Variants in LINGO2 observed in about 807,000 individuals in gnomAD.
The protein encoded by LINGO2 is leucine rich repeat and Ig domain containing 2, also known as leucine-rich repeat and immunoglobulin-like domain-containing nogo receptor-interacting protein 2.
LINGO2 carries 14 observed loss-of-function variants against 30.6 expected under a neutral mutation model. The observed-to-expected ratio is 0.46, with a 90% CI of 0.30 to 0.72. LINGO2 has a LOEUF of 0.72. Ranked by LOEUF, LINGO2 falls within the 30% of genes least tolerant of loss-of-function variation. LINGO2 has a pLI of 0.07. For missense variants in LINGO2, 729 were observed against 751.7 expected (o/e 0.97, Z 0.35); for synonymous variants, 317 against 288.5 (o/e 1.10, Z -1.00).
the LINGO2 span, among the ~76,000 whole-genome samples, chr9:29,071,169 G>GTATTGTATT: frequency 8.7e-6 from 1 of 114,888 alleles, no homozygotes; most frequent in Non-Finnish European, 1.8e-5. Flanking sequence ...GTATTGTATT[G>GTATTGTATT]TATTGTATTG....
At chr9:28,366,111 C>A (rs541724784) in intron 3 of LINGO2, among the ~76,000 whole-genome samples, 1 of 152,126 alleles carries the variant, frequency 6.6e-6, no homozygotes, top group South Asian at 2.1e-4. Flanking sequence ...CGGAAACAGT[C>A]GGAGCCTGTT....
At chr9:28,732,119 A>G in the LINGO2 span, among the ~76,000 whole-genome samples, 45 of 152,152 alleles carry the variant, frequency 3.0e-4, no homozygotes, top group Non-Finnish European at 5.7e-4. Context: ...CAGGGAGCCA[A>G]GGAAGTAGCC....
At chr9:29,195,364 G>C in the LINGO2 span, among the ~76,000 whole-genome samples, 5 of 148,588 alleles carry the variant, frequency 3.4e-5, no homozygotes, top group Admixed American at 6.8e-5. Context: ...TGTGTGTGTG[G>C]GTGTGTGTGT....
intron 5 of LINGO2, among the ~76,000 whole-genome samples, chr9:27,987,407 T>G (rs1821176117): frequency 6.6e-6 from 1 of 151,738 alleles, no homozygotes; most frequent in Non-Finnish European, 1.5e-5. Context: ...TTTGAGTAGC[T>G]GAGAATATAG....
At chr9:28,552,029 A>T (rs1822312881) in intron 1 of LINGO2, among the ~76,000 whole-genome samples, 1 of 151,740 alleles carries the variant, frequency 6.6e-6, no homozygotes, top group Non-Finnish European at 1.5e-5. Flanking sequence ...TTTTGTTGCC[A>T]TTGCTTTCTG....
chr9:28,938,162 C>G, the LINGO2 span, among the ~76,000 whole-genome samples: 1 of 152,168 alleles, frequency 6.6e-6, no homozygotes, highest in Non-Finnish European at 1.5e-5. Flanking sequence ...TTTGTCCCAT[C>G]TTTGTTCCTT....
chr9:28,552,292 C>T (rs1822329776), intron 1 of LINGO2, among the ~76,000 whole-genome samples: 1 of 151,912 alleles, frequency 6.6e-6, no homozygotes, highest in South Asian at 2.1e-4. Context: ...ATTTCTTGTC[C>T]TCTTTCTTGG....
chr9:28,132,677 T>C (rs1432289118), intron 4 of LINGO2, among the ~76,000 whole-genome samples: 2 of 152,240 alleles, frequency 1.3e-5, no homozygotes, highest in Non-Finnish European at 2.9e-5. Context: ...CAGGTTCAAA[T>C]GTAATAAAAC....
chr9:29,188,369 A>C, the LINGO2 span, among the ~76,000 whole-genome samples: 2 of 152,068 alleles, frequency 1.3e-5, no homozygotes, highest in Non-Finnish European at 2.9e-5. Flanking sequence ...CCAAGGCAGA[A>C]GAATTTTTCT....
At chr9:28,299,592 T>A (rs771312586) in intron 3 of LINGO2, among the ~76,000 whole-genome samples, 21 of 152,128 alleles carry the variant, frequency 1.4e-4, no homozygotes, top group Non-Finnish European at 2.5e-4. Context: ...GTCTCCCAAA[T>A]TATGAGAAGT....
intron 4 of LINGO2, among the ~76,000 whole-genome samples, chr9:28,041,699 A>G (rs181463112): frequency 6.6e-6 from 1 of 152,330 alleles, no homozygotes; most frequent in Non-Finnish European, 1.5e-5. Context: ...TTTGGCAGAG[A>G]TGTGAGCCCA....
the LINGO2 span, among the ~76,000 whole-genome samples, chr9:28,914,751 T>C: frequency 3.9e-5 from 6 of 152,322 alleles, no homozygotes; most frequent in African/African-American, 1.4e-4. Flanking sequence ...GAACAATCCC[T>C]CCTGTATGAC....
At chr9:28,283,906 A>G (rs1447380049) in intron 4 of LINGO2, among the ~76,000 whole-genome samples, 1 of 152,104 alleles carries the variant, frequency 6.6e-6, no homozygotes, top group Non-Finnish European at 1.5e-5. Context: ...CTTTATGAAG[A>G]TTGTCTGTCT....
At chr9:28,449,370 G>A (rs1362894662) in intron 2 of LINGO2, among the ~76,000 whole-genome samples, 6 of 151,974 alleles carry the variant, frequency 3.9e-5, no homozygotes, top group African/African-American at 1.4e-4. Context: ...GCAAAGCACA[G>A]AAGTGCATTT....
At chr9:28,407,744 A>T (rs929023090) in intron 2 of LINGO2, among the ~76,000 whole-genome samples, 1 of 152,174 alleles carries the variant, frequency 6.6e-6, no homozygotes, top group African/African-American at 2.4e-5. Context: ...CATTAAAATC[A>T]ACTGTTAACC....
the LINGO2 span, among the ~76,000 whole-genome samples, chr9:28,932,766 C>T: frequency 6.6e-6 from 1 of 152,126 alleles, no homozygotes; most frequent in Non-Finnish European, 1.5e-5. Context: ...TATCAATTTA[C>T]CACCCAGCTA....
intron 3 of LINGO2, among the ~76,000 whole-genome samples, chr9:28,345,801 G>A (rs1819541792): frequency 6.6e-6 from 1 of 152,126 alleles, no homozygotes; most frequent in Non-Finnish European, 1.5e-5. Flanking sequence ...TGACTCTTGA[G>A]ACTGTCAATT....
the LINGO2 span, among the ~76,000 whole-genome samples, chr9:29,141,483 C>G: frequency 1.3e-5 from 2 of 150,918 alleles, no homozygotes; most frequent in East Asian, 3.9e-4. Context: ...AAAAGAAAGA[C>G]AGTAAGAGAG....
the LINGO2 span, among the ~76,000 whole-genome samples, chr9:28,786,341 G>A: frequency 1.3e-5 from 2 of 152,122 alleles, no homozygotes; most frequent in Non-Finnish European, 2.9e-5. Flanking sequence ...GGGACAAAGG[G>A]AAAGGTAATT....
Sources: gnomAD v4.1 joint callset for allele counts (sites outside exome capture counted in the v4.1 genomes callset) on GRCh38, gnomAD v4.1.1 for gene constraint, MANE v1.5 for transcripts, NCBI Gene and HGNC (gene_info 2026-07-23, HGNC 2026-07-21) for gene names.